Variants in TMEM164 observed in about 807,000 individuals in gnomAD.
TMEM164 encodes transmembrane protein 164.
In TMEM164, 4 loss-of-function variants were observed where a neutral mutation model predicts 18.8. The ratio of observed to expected loss-of-function variants is 0.21; its 90% CI spans 0.10 to 0.49. The LOEUF (loss-of-function observed/expected upper bound fraction) is 0.49, where lower values mean the gene tolerates loss of function less well. Ranked by LOEUF, TMEM164 falls within the 20% of genes least tolerant of loss-of-function variation. The probability of loss-of-function intolerance (pLI) is 0.98; values close to 1 mark genes in which losing one functional copy is unlikely to be tolerated. For missense variants in TMEM164, 108 were observed against 239.9 expected, an observed-to-expected ratio of 0.45 and a Z score of 3.63; for synonymous variants, 86 against 101.7, an observed-to-expected ratio of 0.85 and a Z score of 0.93.
chrX:110,021,864 G>A (rs1332438243), intron 2 of TMEM164, among the ~76,000 whole-genome samples: 1 of 112,039 alleles, frequency 8.9e-6, no homozygotes, highest in Admixed American at 9.4e-5. Context: ...GAATAGTCTG[G>A]TGAGTGACTG....
At chrX:110,071,716 CAAAAAAAAA>C (rs59182790) in intron 3 of TMEM164, among the ~76,000 whole-genome samples, 3 of 43,377 alleles carry the variant, frequency 6.9e-5, no homozygotes, top group South Asian at 2.1e-3. Context: ...TTTGTCTCTA[CAAAAAAAAA>C]AAAAAAAAAA....
At chrX:110,114,761 G>A (rs1602649708) in intron 4 of TMEM164, among the ~76,000 whole-genome samples, 1 of 111,813 alleles carries the variant, frequency 8.9e-6, no homozygotes, top group East Asian at 2.8e-4. Context: ...ACTCTAGCCT[G>A]GCCTGCATTT....
chrX:110,005,670 C>T (rs768751633), intron 2 of TMEM164, among the ~76,000 whole-genome samples: 158 of 112,403 alleles, frequency 1.4e-3, no homozygotes, highest in African/African-American at 5.0e-3. Context: ...TGATGCCATT[C>T]ACAGGAAGTC....
intron 2 of TMEM164, among the ~76,000 whole-genome samples, chrX:110,031,374 C>T (rs150415390): frequency 1.7e-3 from 188 of 112,103 alleles, no homozygotes; most frequent in African/African-American, 5.7e-3. Context: ...GGCTTGAGTG[C>T]AGCAGCACGA....
At chrX:110,111,298 A>C (rs1036826393) in intron 4 of TMEM164, among the ~76,000 whole-genome samples, 6 of 112,706 alleles carry the variant, frequency 5.3e-5, no homozygotes, top group African/African-American at 1.9e-4. Flanking sequence ...AAAAACGGTG[A>C]ATTTCCCATA....
At chrX:110,183,180 G>T (rs1358898291), downstream of TMEM164, among the ~76,000 whole-genome samples, 2 of 112,367 alleles carry the variant, frequency 1.8e-5, no homozygotes, top group Admixed American at 9.4e-5. Context: ...GCCAAGGGCA[G>T]AGTCAGATTT....
chrX:110,171,189 A>G (rs997368004), intron 5 of TMEM164, among the ~76,000 whole-genome samples: 2 of 112,303 alleles, frequency 1.8e-5, no homozygotes, highest in African/African-American at 6.5e-5. Flanking sequence ...GATTAAAAAA[A>G]GAGTCCTCTC....
Position 110,116,876 on chromosome X carries a change from G to GT in TMEM164, c.507+7730_507+7731insT, listed in dbSNP as rs2066375715. Among the ~76,000 whole-genome samples the GT allele has an allele frequency of 8.1e-5, 8 of 98,980 alleles. 1 individual carries two copies. Among genetic ancestry groups the GT allele is most frequent in the African/African-American group, 3.0e-4 (8 of 26,662 alleles). The allele number at this position is 98,980 out of a possible 115,157, so 86.0% of individuals were successfully genotyped here. A position where few individuals can be genotyped will look rare whatever the true frequency, so the allele number is the denominator to read the frequency against. On this transcript the variant is annotated intron_variant, in intron 4 of 6. Coordinates refer to ENST00000372068, the MANE Select transcript of TMEM164 (RefSeq NM_032227.4). ...TGCGCGTGTGCGTGTGTGTGTGTGT[G>GT]GTGTGTGTGTGTGTGTGTGTGTGTG...
chrX:110,004,279 G>A, intron 2 of TMEM164, 115 bp downstream of exon 2: 1 of 939,391 alleles, frequency 1.1e-6, no homozygotes, highest in East Asian at 3.1e-5. Context: ...CTTTAAAAAT[G>A]ATTTTCCAAC....
intron 2 of TMEM164, among the ~76,000 whole-genome samples, chrX:110,064,138 A>G (rs375779124): frequency 7.2e-5 from 8 of 111,527 alleles, no homozygotes; most frequent in African/African-American, 2.6e-4. Context: ...ACTTCTCTAT[A>G]TGCTACCTGC....
Position 110,083,965 on chromosome X carries a change from G to A in TMEM164, c.440+16569G>A, listed in dbSNP as rs752284797. 7.9e-4 allele frequency among the ~76,000 whole-genome samples: 88 copies of A among 111,079 alleles called. 1 individual carries two copies. The highest frequency in any genetic ancestry group is 1.3e-3 in the Non-Finnish European group (68 of 52,994). On this transcript the variant is annotated intron_variant, in intron 3 of 6. Transcript: ENST00000372068. ...TTTCCTTTTAAAGAACAAAACTGCT[G>A]TTTTGCTTTCAAACCTGATTGTATT... is the stretch of plus-strand genomic sequence containing the variant.
At chrX:110,065,583 C>T (rs759282547) in intron 2 of TMEM164, 1 of 111,214 alleles carries the variant, frequency 9.0e-6, no homozygotes, top group Non-Finnish European at 1.9e-5. Flanking sequence ...ATTTCTTGGA[C>T]TGCTCCTGAG....
At chrX:110,157,742 A>C (rs2067036541) in intron 5 of TMEM164, among the ~76,000 whole-genome samples, 1 of 112,466 alleles carries the variant, frequency 8.9e-6, no homozygotes, top group Admixed American at 9.4e-5. Context: ...AATATATCCT[A>C]TATCTGTTCT....
At chrX:110,105,749 ATGAGAGAG>A (rs2066188671) in intron 3 of TMEM164, among the ~76,000 whole-genome samples, 111 of 53,594 alleles carry the variant, frequency 2.1e-3, no homozygotes, top group African/African-American at 2.2e-3. Flanking sequence ...GAGAGAGAGA[ATGAGAGAG>A]AGAGAGAGAG....
intron 3 of TMEM164, among the ~76,000 whole-genome samples, chrX:110,105,179 T>A (rs12556567): frequency 3.7e-4 from 4 of 10,776 alleles, no homozygotes; most frequent in Non-Finnish European, 9.6e-4. Context: ...CATCCAACCA[T>A]CCATCCATCC....
chrX:110,088,689 T>G (rs891637929), intron 3 of TMEM164, among the ~76,000 whole-genome samples: 3 of 112,046 alleles, frequency 2.7e-5, no homozygotes, highest in African/African-American at 9.7e-5. Context: ...GCTTTGGGGT[T>G]GTTCACAGGT....
At chrX:110,103,739 T>C (rs1420251677) in intron 3 of TMEM164, among the ~76,000 whole-genome samples, 2 of 111,826 alleles carry the variant, frequency 1.8e-5, no homozygotes, top group Non-Finnish European at 3.8e-5. Context: ...AATTCAACTT[T>C]TTCTTGTAAT....
intron 4 of TMEM164, among the ~76,000 whole-genome samples, chrX:110,125,595 A>G (rs1390358599): frequency 8.9e-6 from 1 of 112,217 alleles, no homozygotes; most frequent in Non-Finnish European, 1.9e-5. Context: ...CAGGAGATGA[A>G]GTCTCAGGTT....
chrX:110,045,670 C>T (rs1935288198), intron 2 of TMEM164, among the ~76,000 whole-genome samples: 1 of 111,865 alleles, frequency 8.9e-6, no homozygotes, highest in Non-Finnish European at 1.9e-5. Flanking sequence ...TTTTGTATTC[C>T]TCTCTTAGGA....
Sources: allele counts gnomAD v4.1 joint callset (sites outside exome capture counted in the v4.1 genomes callset), GRCh38; gene constraint gnomAD v4.1.1; transcripts MANE v1.5; gene names NCBI Gene and HGNC (gene_info 2026-07-23, HGNC 2026-07-21).